The following CDH2 variants were observed in gnomAD, a reference collection of about 807,000 sequenced individuals.
The protein encoded by CDH2 is cadherin 2.
CDH2 carries 17 observed loss-of-function variants against 92.0 expected under a neutral mutation model. The observed-to-expected ratio is 0.18, with a 90% CI of 0.13 to 0.28. The LOEUF (loss-of-function observed/expected upper bound fraction) is 0.28, where lower values mean the gene tolerates loss of function less well. Among genes scored for constraint, CDH2 ranks in the 10% least tolerant of loss-of-function variants. CDH2 has a pLI of 1.00. For synonymous variants in CDH2, 419 were observed against 415.9 expected (o/e 1.01, Z -0.09); for missense variants, 862 against 1,133.1 (o/e 0.76, Z 3.44).
Position 28,177,084 on chromosome 18 carries a change from A to AGGC in CDH2, c.-63_-62insGCC. 2.0e-6 allele frequency: 2 copies of AGGC among 1,018,970 alleles called. No individual in the cohort carries two copies. Among genetic ancestry groups the AGGC allele is most frequent in the Non-Finnish European group, 2.7e-6 (2 of 736,318 alleles). 63.1% of individuals were successfully genotyped at this position (1,018,970 alleles called of 1,614,324 possible). On this transcript the variant is annotated 5_prime_UTR_variant, in exon 1 of 16. Transcript: ENST00000269141. ...GCGGCGGCGGCGGCGGCGGCGGCGGAGGAGGAGGAGGCAGCGGCAGCACCA... is the reference window on the plus strand; with the variant it reads ...GCGGCGGCGGCGGCGGCGGCGGCGGAGGCGGAGGAGGAGGCAGCGGCAGCACCA...
intron 2 of CDH2, among the ~76,000 whole-genome samples, chr18:28,117,453 G>A (rs1201055975): frequency 7.9e-5 from 12 of 152,104 alleles, no homozygotes. Flanking sequence ...CTTGTGAGCT[G>A]GTTCAGAGAT....
rs1213378842 is a variant in CDH2 at position 28,175,492 on chromosome 18, G to A, written c.60+1471C>T. On this transcript the variant is annotated intron_variant, in intron 1 of 15. Coordinates refer to ENST00000269141, the MANE Select transcript of CDH2 (RefSeq NM_001792.5). ...CGTGGAGCCGGGCAGGGACAGGCGT[G>A]CCGCACCATGGCGCACCATGGACAG... 2.0e-4 allele frequency among the ~76,000 whole-genome samples: 30 copies of A among 152,346 alleles called. No individual in the cohort carries two copies. The East Asian group carries it at 5.6e-3, about 29-fold the overall frequency.
intron 2 of CDH2, among the ~76,000 whole-genome samples, chr18:28,056,540 A>G (rs962012335): frequency 5.9e-5 from 9 of 152,040 alleles, no homozygotes; most frequent in Non-Finnish European, 1.2e-4. Context: ...TTTTCCTACA[A>G]TTATGTAACT....
intron 2 of CDH2, among the ~76,000 whole-genome samples, chr18:28,072,999 C>T (rs1045176422): frequency 1.3e-5 from 2 of 152,006 alleles, no homozygotes; most frequent in African/African-American, 4.8e-5. Flanking sequence ...TGTCAGAATA[C>T]CAACTGTCAA....
intron 2 of CDH2, among the ~76,000 whole-genome samples, chr18:28,016,948 T>C (rs2013266387): frequency 6.6e-6 from 1 of 152,170 alleles, no homozygotes. Context: ...TGTTAAACCA[T>C]TCCTGCATTC....
At chr18:28,019,913 T>C (rs542583461) in intron 2 of CDH2, among the ~76,000 whole-genome samples, 22 of 152,276 alleles carry the variant, frequency 1.4e-4, no homozygotes, top group Admixed American at 1.2e-3. Context: ...GAAAAAGTTC[T>C]CCTTGATGAA....
intron 1 of CDH2, among the ~76,000 whole-genome samples, chr18:28,166,775 T>C (rs1157823714): frequency 1.3e-5 from 2 of 152,244 alleles, no homozygotes; most frequent in Admixed American, 1.3e-4. Context: ...GGTGGGCAAT[T>C]ACCTATGGAA....
chr18:28,154,290 C>A (rs1214162597), intron 1 of CDH2, among the ~76,000 whole-genome samples: 2 of 152,256 alleles, frequency 1.3e-5, no homozygotes, highest in Non-Finnish European at 2.9e-5. Flanking sequence ...CAATTCTCCT[C>A]TTCTGCACAA....
intron 2 of CDH2, among the ~76,000 whole-genome samples, chr18:28,126,575 A>G (rs1254030371): frequency 1.3e-5 from 2 of 152,238 alleles, no homozygotes; most frequent in South Asian, 4.1e-4. Flanking sequence ...ATATACTTAC[A>G]TAAGTATAAT....
chr18:28,115,619 G>C (rs2015484723), intron 2 of CDH2, among the ~76,000 whole-genome samples: 1 of 152,128 alleles, frequency 6.6e-6, no homozygotes, highest in Non-Finnish European at 1.5e-5. Flanking sequence ...CCCTCATCCA[G>C]AACCACACAG....
chr18:28,101,742 G>A (rs1049663137), intron 2 of CDH2, among the ~76,000 whole-genome samples: 6 of 151,978 alleles, frequency 3.9e-5, no homozygotes, highest in Admixed American at 2.6e-4. Flanking sequence ...CATAGTTTGA[G>A]GTACACAATA....
At chr18:27,972,431 G>A (rs1598999456) in intron 14 of CDH2, among the ~76,000 whole-genome samples, 3 of 152,158 alleles carry the variant, frequency 2.0e-5, no homozygotes, top group East Asian at 1.9e-4. Context: ...CTGAACTCTC[G>A]AGTCACATAG....
At chr18:28,061,908 CCTGGTCCCTCCCAT>C (rs1024307858) in intron 2 of CDH2, among the ~76,000 whole-genome samples, 6 of 152,258 alleles carry the variant, frequency 3.9e-5, no homozygotes, top group Admixed American at 2.0e-4. Context: ...TTACCTCCCA[CCTGGTCCCTCCCAT>C]GACACATGGG....
intron 2 of CDH2, among the ~76,000 whole-genome samples, chr18:28,018,993 G>A (rs1029668935): frequency 6.6e-6 from 1 of 151,808 alleles, no homozygotes; most frequent in African/African-American, 2.4e-5. Context: ...AATGACATCT[G>A]CAGCAACCTG....
At chr18:27,947,586 A>T (rs1909300290), downstream of CDH2, among the ~76,000 whole-genome samples, 1 of 151,874 alleles carries the variant, frequency 6.6e-6, no homozygotes, top group Non-Finnish European at 1.5e-5. Context: ...AGGAATTTAA[A>T]GGTCAATGGA....
chr18:27,955,180 C>T (rs541113488), intron 15 of CDH2, among the ~76,000 whole-genome samples: 2 of 152,080 alleles, frequency 1.3e-5, no homozygotes, highest in Admixed American at 1.3e-4. Context: ...AGCCCTGGCC[C>T]AATCCTTATG....
Position 28,016,829 on chromosome 18 carries a change from GTAAAT to G in CDH2, c.173-2925_173-2921del. On this transcript the variant is annotated intron_variant, in intron 2 of 15. Transcript: ENST00000269141. ...AATTTAGACCTCTGAGAGTACCACA[GTAAAT>G]AGCGCATTAAAAAGAAATCTTTTTC... Among the ~76,000 whole-genome samples the G allele has an allele frequency of 2.6e-5, 4 of 152,254 alleles. No individual in the cohort carries two copies. In the Middle Eastern group the frequency reaches 0.01, roughly 388 times the overall value.
chr18:27,968,261 G>C (rs1385756837), intron 14 of CDH2, among the ~76,000 whole-genome samples: 4 of 152,182 alleles, frequency 2.6e-5, no homozygotes, highest in Non-Finnish European at 5.9e-5. Flanking sequence ...ATTTGACCAA[G>C]GTCACAGACT....
intron 2 of CDH2, among the ~76,000 whole-genome samples, chr18:28,079,617 A>G (rs1402214957): frequency 6.6e-6 from 1 of 152,200 alleles, no homozygotes; most frequent in Non-Finnish European, 1.5e-5. Context: ...TGTTACGGTT[A>G]ATGGTTTAAG....
Sources: gnomAD v4.1 joint callset for allele counts (sites outside exome capture counted in the v4.1 genomes callset) on GRCh38, gnomAD v4.1.1 for gene constraint, MANE v1.5 for transcripts, NCBI Gene and HGNC (gene_info 2026-07-23, HGNC 2026-07-21) for gene names.